Variants in FRAT1 observed in about 807,000 individuals in gnomAD.
FRAT1 encodes proto-oncogene FRAT1.
Under a neutral mutation model 16.9 loss-of-function variants are expected in FRAT1, and 9 were observed. The ratio of observed to expected loss-of-function variants is 0.53; its 90% confidence interval spans 0.32 to 0.93. The LOEUF (loss-of-function observed/expected upper bound fraction) is 0.93. Ranked by LOEUF, FRAT1 falls within the 40% of genes least tolerant of loss-of-function variation. FRAT1 has a pLI of 0.04. For missense variants in FRAT1, 354 were observed against 402.8 expected (o/e 0.88, Z 1.04); for synonymous variants, 191 against 202.1 (o/e 0.95, Z 0.46).
chr10:97,319,307 T>TGGC lies in FRAT1; in HGVS notation c.-144_-142dup, dbSNP rs1210887547. ...GCTGCAGGCGCGCGGCTAGAGTGCC[T>TGGC]GGCGGGCTCCGGCTTCCGCGTCCGC... On this transcript the variant is annotated 5_prime_UTR_variant, in exon 1 of 1. Transcript: ENST00000371021. 1 of 1,109,654 alleles carries TGGC rather than the reference T, an allele frequency of 9.0e-7. No homozygotes were observed. The highest frequency in any genetic ancestry group is 1.6e-5 in the African/African-American group (1 of 61,326). 68.7% of individuals were successfully genotyped at this position (1,109,654 alleles called of 1,614,324 possible).
chr10:97,319,306 C>A lies in FRAT1; in HGVS notation c.-148C>A. 3 of 1,103,136 alleles carry A rather than the reference C, an allele frequency of 2.7e-6. No individual in the cohort carries two copies. Among genetic ancestry groups the A allele is most frequent in the Non-Finnish European group, 3.4e-6 (3 of 870,990 alleles). 68.3% of individuals were successfully genotyped at this position (1,103,136 alleles called of 1,614,324 possible). A position where few individuals can be genotyped will look rare whatever the true frequency, so the allele number is the denominator to read the frequency against. On this transcript the variant is annotated 5_prime_UTR_variant, in exon 1 of 1. In the 5' UTR this introduces an upstream ATG that the reference lacks. Coordinates refer to ENST00000371021, the MANE Select transcript of FRAT1 (RefSeq NM_005479.4). ...GGCTGCAGGCGCGCGGCTAGAGTGC[C>A]TGGCGGGCTCCGGCTTCCGCGTCCG...
At position 97,319,697 on chromosome 10, in the gene FRAT1, C is replaced by A. The variant is rs779932909; in HGVS notation, c.244C>A (p.Pro82Thr). 2.7e-5 allele frequency: 32 copies of A among 1,172,492 alleles called. 1 individual carries two copies. In the South Asian group the frequency reaches 1.2e-3, roughly 44 times the overall value. 72.6% of individuals were successfully genotyped at this position (1,172,492 alleles called of 1,614,324 possible). The change falls in exon 1 of 1, where the codon CCG (proline) becomes ACG (threonine). Residue 82 changes from proline (P) to threonine (T), a missense_variant. This residue lies in a region of FRAT1 where 286 missense variants were observed against 311.0 expected (regional missense o/e 0.92). Coordinates refer to ENST00000371021, the MANE Select transcript of FRAT1 (RefSeq NM_005479.4). ...RAPGPLAAAV[P>T]ADKARSPAVP... is the part of the protein sequence containing the mutation. ...CCCGGGGCCCCTGGCTGCGGCGGTG[C>A]CGGCGGACAAGGCCAGGTCCCCGGC... is the stretch of plus-strand genomic sequence containing the variant.
rs2134962147 is a variant in FRAT1, at chr10:97,319,345, C to T, written c.-109C>T. ...CTTCCGCGTCCGCCCCGGCCCCGGT[C>T]CAGACTTAGTCTTCAGCTCCGCGCC... On this transcript the variant is annotated 5_prime_UTR_variant, in exon 1 of 1. Coordinates refer to ENST00000371021, the MANE Select transcript of FRAT1 (RefSeq NM_005479.4). 8.1e-7 allele frequency: 1 copy of T among 1,240,164 alleles called. No homozygotes were observed. The highest frequency in any genetic ancestry group is 1.6e-5 in the African/African-American group (1 of 63,784). The allele number at this position is 1,240,164 out of a possible 1,614,324, so 76.8% of individuals were successfully genotyped here.
rs973657926 is a variant in FRAT1, at chr10:97,319,677, G to A, written c.224G>A (p.Gly75Glu). Reference protein sequence around the residue: ...GPPGAPLRAPGPLAAAVPADK... With the variant: ...GPPGAPLRAPEPLAAAVPADK... ...CCGGGGGCGCCGCTGCGGGCCCCGG[G>A]GCCCCTGGCTGCGGCGGTGCCGGCG... The change falls in exon 1 of 1, where the codon GGG becomes GAG. Residue 75 changes from glycine to glutamate, a missense_variant. Coordinates refer to ENST00000371021, the MANE Select transcript of FRAT1 (RefSeq NM_005479.4). The A allele has an allele frequency of 5.8e-5, 69 of 1,181,870 alleles. 1 individual carries two copies. In the Middle Eastern group the frequency reaches 1.4e-3, roughly 23 times the overall value. 73.2% of individuals were successfully genotyped at this position (1,181,870 alleles called of 1,614,324 possible). A position where few individuals can be genotyped will look rare whatever the true frequency, so the allele number is the denominator to read the frequency against.
chr10:97,320,161 C>A lies in FRAT1; in HGVS notation c.708C>A (p.Leu236=), dbSNP rs559217519. 5 of 1,612,840 alleles carry A rather than the reference C, an allele frequency of 3.1e-6. No homozygotes were observed. In the East Asian group the frequency reaches 1.1e-4, roughly 36 times the overall value. ...QLRAKLPQRP[L]LGPLSAPVHE... ...GTGCAAAGCTTCCCCAACGCCCGCTCCTGGGACCTCTGTCGGCCCCGGTGC... is the reference window on the plus strand; with the variant it reads ...GTGCAAAGCTTCCCCAACGCCCGCTACTGGGACCTCTGTCGGCCCCGGTGC... The change falls in exon 1 of 1, where the codon CTC becomes CTA. Residue 236 remains leucine (L), a synonymous_variant. Transcript: ENST00000371021.
Position 97,320,355 on chromosome 10 carries a change from T to C in FRAT1, c.*62T>C, listed in dbSNP as rs1843450104. 10 of 1,397,210 alleles carry C rather than the reference T, an allele frequency of 7.2e-6. No homozygotes were observed. The East Asian group carries it at 2.5e-4, about 35-fold the overall frequency. The allele number at this position is 1,397,210 out of a possible 1,614,324, so 86.6% of individuals were successfully genotyped here. A position where few individuals can be genotyped will look rare whatever the true frequency, so the allele number is the denominator to read the frequency against. ...GAGGGCAAGGGGTTCCCTTGAGGGC[T>C]GCAGTTCTACTCAGGCTGGTGGAGA... is the stretch of plus-strand genomic sequence containing the variant. On this transcript the variant is annotated 3_prime_UTR_variant, in exon 1 of 1. Transcript: ENST00000371021.
At position 97,319,937 on chromosome 10, in the gene FRAT1, C is replaced by G; in HGVS notation, c.484C>G (p.Gln162Glu). 6.5e-7 allele frequency: 1 copy of G among 1,534,612 alleles called. No homozygotes were observed. The highest frequency in any genetic ancestry group is 8.7e-7 in the Non-Finnish European group (1 of 1,145,272). Residue 162 changes from glutamine (Q) to glutamate (E), a missense_variant, in exon 1 of 1, where the codon CAG becomes GAG. Physicochemically the swap from Gln to Glu is conservative, Grantham distance 29. Around this residue, in one of 3 missense-constraint regions of FRAT1, gnomAD observed 286 missense variants for 311.0 expected, o/e 0.92. Transcript: ENST00000371021. ...GGGAGCTGGCAAGCAGGGCATCCCG[C>G]AGCCGCTGTCGGGTCCGTGCCGGCG... ...PPGAGKQGIPQPLSGPCRRGW... is the reference protein window; with the variant it reads ...PPGAGKQGIPEPLSGPCRRGW...
In FRAT1 at chr10:97,321,903, C is replaced by T. The variant is rs1843465243; in HGVS notation, c.*1610C>T. On this transcript the variant is annotated 3_prime_UTR_variant, in exon 1 of 1. Coordinates refer to ENST00000371021, the MANE Select transcript of FRAT1 (RefSeq NM_005479.4). ...TCTCTGATCTCCATAAACATGAAAA[C>T]ACTTGAAATCTCTGTCAGCCTGGCT... 1 of 165,224 alleles carries T rather than the reference C, an allele frequency of 6.1e-6. No homozygotes were observed. Among genetic ancestry groups the T allele is most frequent in the African/African-American group, 2.4e-5 (1 of 41,450 alleles). 10.2% of individuals were successfully genotyped at this position (165,224 alleles called of 1,614,324 possible).
Position 97,319,463 on chromosome 10 carries a change from C to T in FRAT1, c.10C>T (p.Arg4Trp). 1 of 1,444,346 alleles carries T rather than the reference C, an allele frequency of 6.9e-7. No homozygotes were observed. Among genetic ancestry groups the T allele is most frequent in the Non-Finnish European group, 9.1e-7 (1 of 1,097,794 alleles). The allele number at this position is 1,444,346 out of a possible 1,614,324, so 89.5% of individuals were successfully genotyped here. MPCRREEEEEAGEE... is the reference protein window; with the variant it reads MPCWREEEEEAGEE... ...GCCCAGACAGGGGGCCATGCCGTGCCGGAGGGAGGAGGAAGAGGAAGCCGG... is the reference window on the plus strand; with the variant it reads ...GCCCAGACAGGGGGCCATGCCGTGCTGGAGGGAGGAGGAAGAGGAAGCCGG... Residue 4 changes from arginine (R) to tryptophan (W), a missense_variant, in exon 1 of 1, where the codon CGG (arginine) becomes TGG (tryptophan). Transcript: ENST00000371021.
rs768320093 is a variant in FRAT1 at position 97,319,816 on chromosome 10, G to A, written c.363G>A (p.Val121=). The A allele has an allele frequency of 2.9e-6, 4 of 1,362,192 alleles. 1 individual carries two copies. The highest frequency in any genetic ancestry group is 3.6e-5 in the South Asian group (2 of 55,418). 84.4% of individuals were successfully genotyped at this position (1,362,192 alleles called of 1,614,324 possible). The change falls in exon 1 of 1, where the codon GTG becomes GTA. Residue 121 remains valine, a synonymous_variant. Coordinates refer to ENST00000371021, the MANE Select transcript of FRAT1 (RefSeq NM_005479.4). ...GCGCCCTGGGGGACCGCGGCCGCGT[G>A]CGGGGCCGCGCTGCGCCCTACTGCG... The part of the protein sequence containing the change: ...LRCALGDRGR[V]RGRAAPYCVA...
chr10:97,320,169 C>T lies in FRAT1; in HGVS notation c.716C>T (p.Pro239Leu). Residue 239 changes from proline to leucine, a missense_variant, in exon 1 of 1, where the codon CCT becomes CTT. This residue lies in a region of FRAT1 where 286 missense variants were observed against 311.0 expected (regional missense o/e 0.92). Coordinates refer to ENST00000371021, the MANE Select transcript of FRAT1 (RefSeq NM_005479.4). The part of the protein sequence containing the change: ...AKLPQRPLLG[P>L]LSAPVHEPPS... ...CTTCCCCAACGCCCGCTCCTGGGAC[C>T]TCTGTCGGCCCCGGTGCATGAACCC... 1.2e-6 allele frequency: 2 copies of T among 1,612,706 alleles called. No homozygotes were observed. Among genetic ancestry groups the T allele is most frequent in the Non-Finnish European group, 1.7e-6 (2 of 1,179,560 alleles).
At position 97,321,693 on chromosome 10, in the gene FRAT1, T is replaced by C. The variant is rs1397033792; in HGVS notation, c.*1400T>C. The C allele has an allele frequency of 6.0e-6, 1 of 167,168 alleles. No individual in the cohort carries two copies. The highest frequency in any genetic ancestry group is 2.4e-5 in the African/African-American group (1 of 41,476). The allele number at this position is 167,168 out of a possible 1,614,324, so 10.4% of individuals were successfully genotyped here. On this transcript the variant is annotated 3_prime_UTR_variant, in exon 1 of 1. Transcript: ENST00000371021. The stretch of plus-strand genomic sequence containing the variant: ...TGTTCTCGTTTTTATAGTCAATGGC[T>C]TGTTCATCATCCAGATGTGGCTACT...
rs564872851 is a variant in FRAT1 at position 97,321,509 on chromosome 10, C to G, written c.*1216C>G. 6.0e-6 allele frequency: 1 copy of G among 167,176 alleles called. No individual in the cohort carries two copies. The highest frequency in any genetic ancestry group is 1.5e-5 in the Non-Finnish European group (1 of 68,192). 10.4% of individuals were successfully genotyped at this position (167,176 alleles called of 1,614,324 possible). ...GACGAGTTGATTTCCTCCCTCTGCC[C>G]CTCCCCCAGCCATGCCAGCTGGCCT... On this transcript the variant is annotated 3_prime_UTR_variant, in exon 1 of 1. Transcript: ENST00000371021.
chr10:97,319,317 C>T lies in FRAT1; in HGVS notation c.-137C>T, dbSNP rs1382829585. The T allele has an allele frequency of 8.6e-7, 1 of 1,164,574 alleles. No homozygotes were observed. The highest frequency in any genetic ancestry group is 1.1e-6 in the Non-Finnish European group (1 of 926,482). The allele number at this position is 1,164,574 out of a possible 1,614,324, so 72.1% of individuals were successfully genotyped here. A position where few individuals can be genotyped will look rare whatever the true frequency, so the allele number is the denominator to read the frequency against. On this transcript the variant is annotated 5_prime_UTR_variant, in exon 1 of 1. Transcript: ENST00000371021. The stretch of plus-strand genomic sequence containing the variant: ...CGCGGCTAGAGTGCCTGGCGGGCTC[C>T]GGCTTCCGCGTCCGCCCCGGCCCCG...
chr10:97,319,279 G>C lies in FRAT1; in HGVS notation c.-175G>C, dbSNP rs1199636239. ...CCGAGCCGGCAGGATTCCGGCTCCC[G>C]CGGCTGCAGGCGCGCGGCTAGAGTG... On this transcript the variant is annotated 5_prime_UTR_variant, in exon 1 of 1. Transcript: ENST00000371021. 1 of 803,896 alleles carries C rather than the reference G, an allele frequency of 1.2e-6. No individual in the cohort carries two copies. The highest frequency in any genetic ancestry group is 1.7e-6 in the Non-Finnish European group (1 of 600,954). The allele number at this position is 803,896 out of a possible 1,614,324, so 49.8% of individuals were successfully genotyped here. A position where few individuals can be genotyped will look rare whatever the true frequency, so the allele number is the denominator to read the frequency against.
Position 97,320,225 on chromosome 10 carries a change from A to G in FRAT1, c.772A>G (p.Ser258Gly). ...GCCTCGCAGCCCTCGCGCGGCCTGC[A>G]GTGACCCTGGCGCCTCCGGGAGGGC... Reference protein sequence around the residue: ...PSPRSPRAACSDPGASGRAQL... With the variant: ...PSPRSPRAACGDPGASGRAQL... Residue 258 changes from serine (S) to glycine (G), a missense_variant, in exon 1 of 1, where the codon AGT becomes GGT. Ser to Gly is a moderately conservative substitution (Grantham distance 56). Around this residue, in one of 3 missense-constraint regions of FRAT1, gnomAD observed 286 missense variants for 311.0 expected, o/e 0.92. Coordinates refer to ENST00000371021, the MANE Select transcript of FRAT1 (RefSeq NM_005479.4). 1 of 1,606,880 alleles carries G rather than the reference A, an allele frequency of 6.2e-7. No individual in the cohort carries two copies. The highest frequency in any genetic ancestry group is 1.7e-4 in the Middle Eastern group (1 of 6,010).
rs1380529743 is a variant in FRAT1 at position 97,319,534 on chromosome 10, A to C, written c.81A>C (p.Leu27=). ...GEEEEEDSFL[L]LQQSVALGSS... is the part of the protein sequence containing the mutation. ...AAGAGGAGGAGGACAGCTTCCTCCT[A>C]CTGCAGCAGTCAGTGGCGCTGGGCA... is the stretch of plus-strand genomic sequence containing the variant. Residue 27 remains leucine, a synonymous_variant, in exon 1 of 1, where the codon CTA becomes CTC. Coordinates refer to ENST00000371021, the MANE Select transcript of FRAT1 (RefSeq NM_005479.4). 6.8e-7 allele frequency: 1 copy of C among 1,478,144 alleles called. No homozygotes were observed. Among genetic ancestry groups the C allele is most frequent in the African/African-American group, 1.5e-5 (1 of 68,772 alleles). The allele number at this position is 1,478,144 out of a possible 1,614,324, so 91.6% of individuals were successfully genotyped here. A position where few individuals can be genotyped will look rare whatever the true frequency, so the allele number is the denominator to read the frequency against.
At position 97,319,290 on chromosome 10, in the gene FRAT1, C is replaced by G; in HGVS notation, c.-164C>G. The stretch of plus-strand genomic sequence containing the variant: ...GGATTCCGGCTCCCGCGGCTGCAGG[C>G]GCGCGGCTAGAGTGCCTGGCGGGCT... On this transcript the variant is annotated 5_prime_UTR_variant, in exon 1 of 1. Coordinates refer to ENST00000371021, the MANE Select transcript of FRAT1 (RefSeq NM_005479.4). 1 of 922,136 alleles carries G rather than the reference C, an allele frequency of 1.1e-6. No individual in the cohort carries two copies. Among genetic ancestry groups the G allele is most frequent in the Non-Finnish European group, 1.4e-6 (1 of 708,336 alleles). 57.1% of individuals were successfully genotyped at this position (922,136 alleles called of 1,614,324 possible). A position where few individuals can be genotyped will look rare whatever the true frequency, so the allele number is the denominator to read the frequency against.
In FRAT1 at chr10:97,320,116, T is replaced by C; in HGVS notation, c.663T>C (p.His221=). ...NLIKEAVRRL[H]SRRLQLRAKL... is the part of the protein sequence containing the mutation. Reference sequence around the variant, plus strand: ...TCAAGGAGGCCGTGCGAAGGCTTCATTCGCGACGGCTGCAGTTACGTGCAA... The same window carrying C: ...TCAAGGAGGCCGTGCGAAGGCTTCACTCGCGACGGCTGCAGTTACGTGCAA... Residue 221 remains histidine (H), a synonymous_variant, in exon 1 of 1, where the codon CAT becomes CAC. Transcript: ENST00000371021. 6.2e-7 allele frequency: 1 copy of C among 1,609,942 alleles called. No individual in the cohort carries two copies. The highest frequency in any genetic ancestry group is 8.5e-7 in the Non-Finnish European group (1 of 1,178,420).
Sources: allele counts gnomAD v4.1 joint callset, GRCh38; gene constraint gnomAD v4.1.1; regional missense constraint gnomAD v4.1.1; transcripts MANE v1.5; gene names NCBI Gene and HGNC (gene_info 2026-07-23, HGNC 2026-07-21).